POU2F1: variants seen among roughly 807,000 people sequenced by gnomAD.
POU2F1 encodes the protein POU class 2 homeobox 1.
Under a neutral mutation model 84.9 loss-of-function variants are expected in POU2F1, and 16 were observed. The observed-to-expected ratio is 0.19, with a 90% CI of 0.13 to 0.29. The LOEUF is 0.29. POU2F1 is among the 10% of genes least tolerant of loss of function. The probability of loss-of-function intolerance (pLI) is 1.00; values close to 1 mark genes in which losing one functional copy is unlikely to be tolerated. For missense variants in POU2F1, 738 were observed against 942.6 expected, an observed-to-expected ratio of 0.78 and a Z score of 2.84; for synonymous variants, 368 against 368.3, an observed-to-expected ratio of 1.00 and a Z score of 0.01.
intron 2 of POU2F1, among the ~76,000 whole-genome samples, chr1:167,335,653 T>C (rs36094430): frequency 0.012 from 1,840 of 152,356 alleles, 14 homozygotes; most frequent in South Asian, 0.026. Context: ...GGTGGTCATC[T>C]GAGAGGAAGG....
intron 1 of POU2F1, among the ~76,000 whole-genome samples, chr1:167,237,762 ATATATATATATTTTT>A (rs1649584528): frequency 1.0e-4 from 2 of 19,996 alleles, no homozygotes; most frequent in Non-Finnish European, 2.5e-4. Flanking sequence ...ATATATATAT[ATATATATATATTTTT>A]TTTTTTTTTT....
At chr1:167,238,711 C>G (rs1463780966) in intron 1 of POU2F1, among the ~76,000 whole-genome samples, 1 of 152,196 alleles carries the variant, frequency 6.6e-6, no homozygotes, top group Non-Finnish European at 1.5e-5. Context: ...ATTCTTTAGG[C>G]AATCTTCCAT....
chr1:167,261,405 G>T (rs1169903988), intron 1 of POU2F1, among the ~76,000 whole-genome samples: 1 of 152,062 alleles, frequency 6.6e-6, no homozygotes, highest in African/African-American at 2.4e-5. Flanking sequence ...AAGATAATGG[G>T]GCCAGTGAGC....
At chr1:167,350,673 C>CAAA (rs56240224) in intron 2 of POU2F1, among the ~76,000 whole-genome samples, 2,135 of 58,634 alleles carry the variant, frequency 0.036, 71 homozygotes, top group African/African-American at 0.11. Flanking sequence ...GACTCCATCT[C>CAAA]AAAAAAAAAA....
In POU2F1 at chr1:167,415,769, G is replaced by A. The variant is rs750118788; in HGVS notation, c.2260G>A (p.Gly754Arg). 14 of 1,613,934 alleles carry A rather than the reference G, an allele frequency of 8.7e-6. 1 individual carries two copies. The highest frequency in any genetic ancestry group is 3.3e-5 in the Admixed American group (2 of 59,990). The change falls in exon 16 of 16, where the codon GGG becomes AGG. Residue 754 changes from glycine (G) to arginine (R), a missense_variant. By Grantham distance (125) the Gly-to-Arg change is moderately radical. Transcript: ENST00000367866. Reference sequence around the variant, plus strand: ...TCTCTTCACAGTGGCCTCTGCCAGCGGGGCTGCGTCCACCACCACCACCGC... The same window carrying A: ...TCTCTTCACAGTGGCCTCTGCCAGCAGGGCTGCGTCCACCACCACCACCGC... ...NSLFTVASASGAASTTTTASK... is the reference protein window; with the variant it reads ...NSLFTVASASRAASTTTTASK...
At chr1:167,325,308 A>G (rs554512830) in intron 1 of POU2F1, among the ~76,000 whole-genome samples, 1 of 152,242 alleles carries the variant, frequency 6.6e-6, no homozygotes, top group African/African-American at 2.4e-5. Context: ...ACCCCCCATG[A>G]TATAGAAAGG....
In POU2F1 at chr1:167,317,383, T is replaced by G. The variant is rs192198409; in HGVS notation, c.62-15087T>G. On this transcript the variant is annotated intron_variant, in intron 1 of 15. Coordinates refer to ENST00000367866, the MANE Select transcript of POU2F1 (RefSeq NM_002697.4). Reference sequence around the variant, plus strand: ...CTTGTCCTTGTCGAGACCAGCTCAGTCGTGGAGACCCTAACCCAGTGGCGC... The same window carrying G: ...CTTGTCCTTGTCGAGACCAGCTCAGGCGTGGAGACCCTAACCCAGTGGCGC... 4.6e-5 allele frequency among the ~76,000 whole-genome samples: 7 copies of G among 152,276 alleles called. No individual in the cohort carries two copies. The East Asian group carries it at 1.3e-3, about 29-fold the overall frequency.
At chr1:167,293,068 T>C (rs1364907180) in intron 1 of POU2F1, among the ~76,000 whole-genome samples, 2 of 152,176 alleles carry the variant, frequency 1.3e-5, no homozygotes, top group African/African-American at 4.8e-5. Flanking sequence ...TGGGAAAAAG[T>C]TGAAAACATT....
intron 1 of POU2F1, among the ~76,000 whole-genome samples, chr1:167,280,849 T>C (rs1002329548): frequency 6.6e-6 from 1 of 152,230 alleles, no homozygotes; most frequent in African/African-American, 2.4e-5. Context: ...AAGGCGTTTA[T>C]TAAGTGTTTA....
At chr1:167,277,735 A>G (rs977898085) in intron 1 of POU2F1, among the ~76,000 whole-genome samples, 2 of 152,178 alleles carry the variant, frequency 1.3e-5, no homozygotes, top group African/African-American at 4.8e-5. Flanking sequence ...CTGATGCCGC[A>G]TGCCATCCTC....
chr1:167,394,020 AT>A (rs1648622836), intron 9 of POU2F1, among the ~76,000 whole-genome samples: 1 of 146,086 alleles, frequency 6.8e-6, no homozygotes, highest in African/African-American at 2.6e-5. Flanking sequence ...ATTTTATTTT[AT>A]TTTATTTATT....
At position 167,412,258 on chromosome 1, in the gene POU2F1, G is replaced by A; in HGVS notation, c.1855G>A (p.Ala619Thr). Residue 619 changes from alanine (A) to threonine (T), a missense_variant, in exon 14 of 16, where the codon GCA becomes ACA. Physicochemically the swap from Ala to Thr is moderately conservative, Grantham distance 58. Transcript: ENST00000367866. ...NASLAAMAAAAGLNPSLMAPS... is the reference protein window; with the variant it reads ...NASLAAMAAATGLNPSLMAPS... ...CAGTCTTGCTGCCATGGCAGCTGCT[G>A]CAGGACTAAACCCAAGCCTGATGGC... 6.3e-7 allele frequency: 1 copy of A among 1,585,470 alleles called. No homozygotes were observed. Among genetic ancestry groups the A allele is most frequent in the Non-Finnish European group, 8.6e-7 (1 of 1,165,108 alleles).
intron 7 of POU2F1, among the ~76,000 whole-genome samples, chr1:167,378,926 C>CTTTTTTTTTT (rs749278885): frequency 7.2e-6 from 1 of 138,420 alleles, no homozygotes. Context: ...CTAATTTTGA[C>CTTTTTTTTTT]TTTTTTTTTT....
At chr1:167,328,760 C>CA (rs1656877891) in intron 1 of POU2F1, among the ~76,000 whole-genome samples, 1 of 152,134 alleles carries the variant, frequency 6.6e-6, no homozygotes, top group African/African-American at 2.4e-5. Context: ...CATGCACTGC[C>CA]AATTAATATG....
At chr1:167,414,167 T>G (rs1244093132) in intron 15 of POU2F1, among the ~76,000 whole-genome samples, 25 of 152,202 alleles carry the variant, frequency 1.6e-4, no homozygotes, top group Admixed American at 1.6e-3. Context: ...TTACATTATA[T>G]TGACTTTCTG....
rs55837353 is a variant in POU2F1 at position 167,233,154 on chromosome 1, T to A, written c.61+12196T>A. Among the ~76,000 whole-genome samples the A allele has an allele frequency of 3.5e-3, 529 of 150,880 alleles. 1 individual carries two copies. Among genetic ancestry groups the A allele is most frequent in the Middle Eastern group, 0.017 (5 of 292 alleles). ...TATTTTTTAATTTTTTTTTTTTTTT[T>A]AAGTAGGGTCTAGCTCTGTCACCCA... On this transcript the variant is annotated intron_variant, in intron 1 of 15. Transcript: ENST00000367866.
chr1:167,262,865 G>A (rs2102440343), intron 1 of POU2F1, among the ~76,000 whole-genome samples: 1 of 152,308 alleles, frequency 6.6e-6, no homozygotes, highest in South Asian at 2.1e-4. Flanking sequence ...GGCCATGTTT[G>A]GAGCAAAAGT....
intron 3 of POU2F1, among the ~76,000 whole-genome samples, chr1:167,368,560 A>C (rs1200016560): frequency 1.3e-5 from 2 of 152,064 alleles, no homozygotes; most frequent in African/African-American, 4.8e-5. Context: ...AAATCACATA[A>C]AATTTTTATC....
At chr1:167,306,900 C>A (rs896060112) in intron 1 of POU2F1, among the ~76,000 whole-genome samples, 10 of 152,216 alleles carry the variant, frequency 6.6e-5, no homozygotes, top group African/African-American at 1.7e-4. Context: ...TAGACTTTAA[C>A]ATCTTTTTGG....
Sources: gnomAD v4.1 joint callset for allele counts (sites outside exome capture counted in the v4.1 genomes callset) on GRCh38, gnomAD v4.1.1 for gene constraint, MANE v1.5 for transcripts, NCBI Gene and HGNC (gene_info 2026-07-23, HGNC 2026-07-21) for gene names.